DNAH6: variants seen among roughly 807,000 people sequenced by gnomAD.
DNAH6 encodes dynein axonemal heavy chain 6, also known as axonemal beta dynein heavy chain 6.
DNAH6 carries 340 observed loss-of-function variants against 491.4 expected under a neutral mutation model. The ratio of observed to expected loss-of-function variants is 0.69; its 90% CI spans 0.63 to 0.76. The LOEUF (loss-of-function observed/expected upper bound fraction) is 0.76, where lower values mean the gene tolerates loss of function less well. Among genes scored for constraint, DNAH6 ranks in the 30% least tolerant of loss-of-function variants. DNAH6 has a pLI of 0.00. For synonymous variants in DNAH6, 1,603 were observed against 1,686.1 expected (o/e 0.95, Z 1.21); for missense variants, 4,443 against 4,972.2 (o/e 0.89, Z 3.20).
intron 8 of DNAH6, among the ~76,000 whole-genome samples, chr2:84,549,471 T>C (rs1343017289): frequency 3.3e-5 from 5 of 152,204 alleles, no homozygotes; most frequent in African/African-American, 1.2e-4. Flanking sequence ...GCAATTGCCA[T>C]CAACATTTAT....
intron 40 of DNAH6, among the ~76,000 whole-genome samples, chr2:84,675,050 C>T (rs1693100579): frequency 6.6e-6 from 1 of 152,198 alleles, no homozygotes; most frequent in African/African-American, 2.4e-5. Flanking sequence ...CCAGCTCTTC[C>T]CTTATAATCT....
At chr2:84,653,123 A>T (rs1690608275) in intron 33 of DNAH6, among the ~76,000 whole-genome samples, 196 bp from the exon 34 acceptor site, 1 of 152,108 alleles carries the variant, frequency 6.6e-6, no homozygotes, top group African/African-American at 2.4e-5. Context: ...CTGTACAGGA[A>T]ACAAACAAAA....
In DNAH6 at chr2:84,786,104, ATG is replaced by A. The variant is rs1559039721; in HGVS notation, c.11100+349_11100+350del. Among the ~76,000 whole-genome samples the A allele has an allele frequency of 4.5e-3, 507 of 111,984 alleles. 1 individual carries two copies. Among genetic ancestry groups the A allele is most frequent in the Middle Eastern group, 0.021 (5 of 242 alleles). 73.5% of individuals were successfully genotyped at this position (111,984 alleles called of 152,430 possible). A position where few individuals can be genotyped will look rare whatever the true frequency, so the allele number is the denominator to read the frequency against. ...TGTGTGGTCTACAGAGAAAGAAAGA[ATG>A]AATGAATGAATGAATGAATGAATGA... On this transcript the variant is annotated intron_variant, in intron 67 of 76. Transcript: ENST00000389394.
intron 61 of DNAH6, among the ~76,000 whole-genome samples, chr2:84,729,079 G>A (rs1698907711): frequency 6.6e-6 from 1 of 152,078 alleles, no homozygotes; most frequent in African/African-American, 2.4e-5. Context: ...TCCACCAGAT[G>A]TTCCTTCCTC....
At chr2:84,700,645 G>A (rs1695812823) in intron 48 of DNAH6, among the ~76,000 whole-genome samples, 1 of 152,214 alleles carries the variant, frequency 6.6e-6, no homozygotes, top group Non-Finnish European at 1.5e-5. Flanking sequence ...AAGTAAGAGA[G>A]TTGCATTTGA....
chr2:84,641,120 C>T (rs1262508306), intron 32 of DNAH6, among the ~76,000 whole-genome samples: 1 of 152,088 alleles, frequency 6.6e-6, no homozygotes, highest in Non-Finnish European at 1.5e-5. Context: ...TTCTCAGACC[C>T]CACTTTTCTC....
intron 12 of DNAH6, 37 bp downstream of exon 12, chr2:84,573,624 AG>A: frequency 6.7e-7 from 1 of 1,492,664 alleles, no homozygotes; most frequent in Non-Finnish European, 8.9e-7. Flanking sequence ...TTATTTTTAT[AG>A]GGATACTGAG....
chr2:84,654,877 C>A, intron 35 of DNAH6, 95 bp downstream of exon 35: 1 of 1,367,526 alleles, frequency 7.3e-7, no homozygotes, highest in Non-Finnish European at 1.0e-6. Flanking sequence ...ACTCATGGTT[C>A]TTGATTGAGG....
chr2:84,533,018 A>G (rs994230538), intron 4 of DNAH6, among the ~76,000 whole-genome samples: 1 of 151,950 alleles, frequency 6.6e-6, no homozygotes. Context: ...ATGCTTGACA[A>G]TTTTTTTTCC....
chr2:84,483,132 T>G, the DNAH6 span, among the ~76,000 whole-genome samples: 3 of 152,048 alleles, frequency 2.0e-5, no homozygotes, highest in East Asian at 5.8e-4. Flanking sequence ...GGCTAATTCT[T>G]TAATTTTGGG....
In DNAH6 at chr2:84,595,730, T is replaced by C. The variant is rs1021768875; in HGVS notation, c.2809T>C (p.Leu937=). 3.4e-5 allele frequency: 52 copies of C among 1,551,308 alleles called. No individual in the cohort carries two copies. Among genetic ancestry groups the C allele is most frequent in the Non-Finnish European group, 4.0e-5 (46 of 1,146,902 alleles). ...ATTTGTGACTCAACTGGAAAAAGGC[T>C]TGCCACCCAACAGTGTAGTGCCCCA... ...AKFVTQLEKG[L]PPNSVVPQLK... is the part of the protein sequence containing the mutation. Residue 937 remains leucine (L), a synonymous_variant, in exon 18 of 77, where the codon TTG becomes CTG. Coordinates refer to ENST00000389394, the MANE Select transcript of DNAH6 (RefSeq NM_001370.2).
At chr2:84,721,758 A>C (rs1207006758) in intron 59 of DNAH6, among the ~76,000 whole-genome samples, 1 of 152,216 alleles carries the variant, frequency 6.6e-6, no homozygotes, top group Non-Finnish European at 1.5e-5. Context: ...TGGTCTATAC[A>C]GGAACTTGAT....
upstream of DNAH6, among the ~76,000 whole-genome samples, chr2:84,511,667 C>T (rs1047107488): frequency 3.3e-5 from 5 of 152,198 alleles, no homozygotes; most frequent in Admixed American, 6.5e-5. Flanking sequence ...GTATCGCTCA[C>T]GCTGGGAGCT....
At chr2:84,729,300 A>C (rs969379698) in intron 61 of DNAH6, among the ~76,000 whole-genome samples, 3 of 152,322 alleles carry the variant, frequency 2.0e-5, no homozygotes, top group African/African-American at 7.2e-5. Context: ...AAGGTTAAGT[A>C]ACTTGTCCTG....
chr2:84,507,977 C>T, the DNAH6 span, among the ~76,000 whole-genome samples: 2 of 152,102 alleles, frequency 1.3e-5, no homozygotes, highest in East Asian at 1.9e-4. Context: ...GCCAGTATTT[C>T]ATTGAGGATT....
chr2:84,688,271 A>C (rs894445343), intron 44 of DNAH6, among the ~76,000 whole-genome samples, 168 bp from the exon 45 acceptor site: 6 of 151,746 alleles, frequency 4.0e-5, no homozygotes, highest in Non-Finnish European at 8.8e-5. Flanking sequence ...ATCAGAATAT[A>C]GCATTGTGAG....
At chr2:84,795,850 C>G (rs1678291777) in intron 68 of DNAH6, among the ~76,000 whole-genome samples, 1 of 152,154 alleles carries the variant, frequency 6.6e-6, no homozygotes, top group African/African-American at 2.4e-5. Flanking sequence ...CCTCCTTACC[C>G]TGATAGCAAT....
At chr2:84,771,517 A>G (rs1675618113) in intron 64 of DNAH6, among the ~76,000 whole-genome samples, 2 of 152,210 alleles carry the variant, frequency 1.3e-5, no homozygotes, top group Non-Finnish European at 1.5e-5. Flanking sequence ...AGCTATACCA[A>G]GACATGCTAT....
upstream of DNAH6, among the ~76,000 whole-genome samples, chr2:84,514,867 T>TCACGCACA (rs1553405950): frequency 7.2e-6 from 1 of 139,006 alleles, no homozygotes; most frequent in African/African-American, 2.8e-5. Context: ...TTCACCACAG[T>TCACGCACA]CACACACACA....
Sources: allele counts gnomAD v4.1 joint callset (sites outside exome capture counted in the v4.1 genomes callset), GRCh38; gene constraint gnomAD v4.1.1; transcripts MANE v1.5; gene names NCBI Gene and HGNC (gene_info 2026-07-23, HGNC 2026-07-21).